RYR2: variants seen among roughly 807,000 people sequenced by gnomAD.
The protein encoded by RYR2 is cardiac muscle ryanodine receptor-calcium release channel.
In RYR2, 227 loss-of-function variants were observed where a neutral mutation model predicts 601.1. The observed-to-expected ratio is 0.38, with a 90% confidence interval of 0.34 to 0.42. RYR2 has a LOEUF of 0.42. Ranked by LOEUF, RYR2 falls within the 10% of genes least tolerant of loss-of-function variation. The pLI is 1.00. For missense variants in RYR2, 4,646 were observed against 6,156.5 expected (o/e 0.75, Z 8.21); for synonymous variants, 2,223 against 2,175.1 (o/e 1.02, Z -0.61).
intron 2 of RYR2, among the ~76,000 whole-genome samples, chr1:237,316,238 G>A (rs1695097618): frequency 1.3e-5 from 2 of 152,030 alleles, no homozygotes; most frequent in Non-Finnish European, 1.5e-5. Context: ...TTCTTCTTTA[G>A]GACATTGATG....
intron 29 of RYR2, among the ~76,000 whole-genome samples, chr1:237,575,660 A>G (rs1673149918): frequency 1.3e-5 from 2 of 152,226 alleles, no homozygotes; most frequent in African/African-American, 2.4e-5. Flanking sequence ...ATCAAGCATG[A>G]CACAGACACA....
intron 18 of RYR2, 106 bp from the exon 19 acceptor site, chr1:237,492,848 G>GAAGGAAGGA: frequency 8.7e-7 from 1 of 1,155,658 alleles, no homozygotes; most frequent in South Asian, 1.5e-5. Context: ...AGGAAGGAAG[G>GAAGGAAGGA]AAGGAAGGAA....
At chr1:237,613,266 A>G (rs993246859) in intron 36 of RYR2, among the ~76,000 whole-genome samples, 10 of 152,160 alleles carry the variant, frequency 6.6e-5, no homozygotes, top group Non-Finnish European at 1.2e-4. Flanking sequence ...AATTTACTCC[A>G]TTTTGGTCAG....
At chr1:237,277,850 AT>A (rs1365727712) in intron 2 of RYR2, among the ~76,000 whole-genome samples, 1 of 152,178 alleles carries the variant, frequency 6.6e-6, no homozygotes, top group African/African-American at 2.4e-5. Flanking sequence ...CAAACAAAAA[AT>A]AATAGCCTTA....
intron 1 of RYR2, among the ~76,000 whole-genome samples, chr1:237,211,475 A>T (rs1682563989): frequency 6.6e-6 from 1 of 152,230 alleles, no homozygotes; most frequent in Admixed American, 6.5e-5. Flanking sequence ...ATGAAGGTTT[A>T]GATAGACAGG....
In RYR2 at chr1:237,617,406, G is replaced by A. The variant is rs267598436; in HGVS notation, c.5836G>A (p.Glu1946Lys). 1.2e-6 allele frequency: 2 copies of A among 1,613,942 alleles called. No homozygotes were observed. The highest frequency in any genetic ancestry group is 2.2e-5 in the East Asian group (1 of 44,874). Reference protein sequence around the residue: ...LQDNQRFRYNEVMQALNMSAA... With the variant: ...LQDNQRFRYNKVMQALNMSAA... ...AGACAATCAACGTTTCCGATACAAC[G>A]AAGTCATGCAAGCCTTAAACATGTC... is the stretch of plus-strand genomic sequence containing the variant. Residue 1946 changes from glutamate to lysine, a missense_variant, in exon 38 of 105, where the codon GAA becomes AAA. Transcript: ENST00000366574.
chr1:237,287,239 A>C (rs1224295784), intron 2 of RYR2, among the ~76,000 whole-genome samples: 1 of 152,184 alleles, frequency 6.6e-6, no homozygotes. Flanking sequence ...ACAGCTCTTA[A>C]GATTATTTCC....
rs955980472 is a variant in RYR2, at chr1:237,356,054, T to C, written c.294+69T>C. 5.6e-6 allele frequency: 8 copies of C among 1,423,330 alleles called. No homozygotes were observed. The African/African-American group carries it at 1.1e-4, about 20-fold the overall frequency. 88.2% of individuals were successfully genotyped at this position (1,423,330 alleles called of 1,614,324 possible). A position where few individuals can be genotyped will look rare whatever the true frequency, so the allele number is the denominator to read the frequency against. On this transcript the variant is annotated intron_variant, in intron 4 of 104. Coordinates refer to ENST00000366574, the MANE Select transcript of RYR2 (RefSeq NM_001035.3). Reference sequence around the variant, plus strand: ...TGCATGCTTGCTCTCGCCTCTAATCTTTCATTTTGCTTCCTAGTGTGGCTT... The same window carrying C: ...TGCATGCTTGCTCTCGCCTCTAATCCTTCATTTTGCTTCCTAGTGTGGCTT...
chr1:237,513,102 C>T (rs61833805), intron 24 of RYR2, among the ~76,000 whole-genome samples: 4,148 of 152,190 alleles, frequency 0.027, 83 homozygotes, highest in Non-Finnish European at 0.041. Flanking sequence ...TTTTATATCA[C>T]CCAGTAAAGG....
intron 1 of RYR2, among the ~76,000 whole-genome samples, chr1:237,107,067 A>G (rs1668763064): frequency 6.6e-6 from 1 of 152,198 alleles, no homozygotes; most frequent in Non-Finnish European, 1.5e-5. Flanking sequence ...TATGGGGGAA[A>G]TAAAAGGCTG....
intron 1 of RYR2, among the ~76,000 whole-genome samples, chr1:237,223,099 C>T (rs557683144): frequency 4.6e-5 from 7 of 152,218 alleles, no homozygotes; most frequent in African/African-American, 9.6e-5. Context: ...ACAAAACAAC[C>T]GCTGTATTGT....
At position 237,180,662 on chromosome 1, in the gene RYR2, G is replaced by T. The variant is rs1283398370; in HGVS notation, c.49-89835G>T. ...TATGTATATGTATATGTGTATATAT[G>T]TATACATGTGTATATATGTGTATAT... On this transcript the variant is annotated intron_variant, in intron 1 of 104. Coordinates refer to ENST00000366574, the MANE Select transcript of RYR2 (RefSeq NM_001035.3). This position sits in a 1 kb window ranked among gnomAD's most constrained non-coding sequence, Gnocchi z 5.3. 7.9e-6 allele frequency among the ~76,000 whole-genome samples: 1 copy of T among 127,158 alleles called. No homozygotes were observed. The highest frequency in any genetic ancestry group is 3.0e-5 in the African/African-American group (1 of 33,328). 83.4% of individuals were successfully genotyped at this position (127,158 alleles called of 152,430 possible). A position where few individuals can be genotyped will look rare whatever the true frequency, so the allele number is the denominator to read the frequency against.
intron 1 of RYR2, among the ~76,000 whole-genome samples, chr1:237,044,215 A>AT (rs1660283292): frequency 6.6e-6 from 1 of 151,674 alleles, no homozygotes; most frequent in Non-Finnish European, 1.5e-5. Flanking sequence ...TTAACACCAC[A>AT]TTAGATTTTT....
intron 3 of RYR2, 152 bp downstream of exon 3, chr1:237,331,134 T>G: frequency 1.4e-6 from 1 of 705,516 alleles, no homozygotes; most frequent in Non-Finnish European, 2.5e-6. Flanking sequence ...TTCTGCTTTA[T>G]CTAGCATATT....
chr1:237,640,946 A>T lies in RYR2; in HGVS notation c.7165A>T (p.Met2389Leu). ...DDTIHMGNAI[M>L]TFYSALIDLL... Reference sequence around the variant, plus strand: ...CACTATCCACATGGGGAACGCGATCATGACCTTCTATTCAGCTTTGATTGA... The same window carrying T: ...CACTATCCACATGGGGAACGCGATCTTGACCTTCTATTCAGCTTTGATTGA... The change falls in exon 47 of 105, where the codon ATG (methionine) becomes TTG (leucine). Residue 2389 changes from methionine to leucine, a missense_variant. By Grantham distance (15) the Met-to-Leu change is conservative (BLOSUM62 2). Coordinates refer to ENST00000366574, the MANE Select transcript of RYR2 (RefSeq NM_001035.3). 1 of 1,613,784 alleles carries T rather than the reference A, an allele frequency of 6.2e-7. No individual in the cohort carries two copies. The highest frequency in any genetic ancestry group is 2.2e-5 in the East Asian group (1 of 44,876).
Position 237,759,682 on chromosome 1 carries a change from A to G in RYR2, c.11326-94A>G, listed in dbSNP as rs1459014076. The G allele has an allele frequency of 1.1e-5, 9 of 793,038 alleles. No individual in the cohort carries two copies. In the East Asian group the frequency reaches 2.0e-4, roughly 17 times the overall value. 49.1% of individuals were successfully genotyped at this position (793,038 alleles called of 1,614,324 possible). On this transcript the variant is annotated intron_variant, in intron 82 of 104. Coordinates refer to ENST00000366574, the MANE Select transcript of RYR2 (RefSeq NM_001035.3). ...TGTACGCAGTGAATATTTTCTGTCT[A>G]TTCTAGAATGGAAAGCCTGTTTTGG...
chr1:237,154,075 C>G (rs1675035273), intron 1 of RYR2, among the ~76,000 whole-genome samples: 1 of 152,106 alleles, frequency 6.6e-6, no homozygotes, highest in Non-Finnish European at 1.5e-5. Flanking sequence ...AAGAGGGGCT[C>G]TGGGCTGCAT....
intron 51 of RYR2, among the ~76,000 whole-genome samples, chr1:237,653,517 C>T (rs542334473): frequency 2.6e-4 from 39 of 152,142 alleles, no homozygotes; most frequent in Admixed American, 1.1e-3. Flanking sequence ...TAAAATTGGG[C>T]GTCTGGTCTT....
At chr1:237,538,246 T>A (rs1572775591) in intron 25 of RYR2, among the ~76,000 whole-genome samples, 1 of 148,788 alleles carries the variant, frequency 6.7e-6, no homozygotes, top group Non-Finnish European at 1.5e-5. Flanking sequence ...AAAAAAAAAA[T>A]TAGCCAGGCA....
Sources: allele counts gnomAD v4.1 joint callset (sites outside exome capture counted in the v4.1 genomes callset), GRCh38; gene constraint gnomAD v4.1.1; non-coding constraint Gnocchi (gnomAD v3.1); transcripts MANE v1.5; gene names NCBI Gene and HGNC (gene_info 2026-07-23, HGNC 2026-07-21).